GALNT18: variants seen among roughly 807,000 people sequenced by gnomAD.
The protein encoded by GALNT18 is polypeptide N-acetylgalactosaminyltransferase 18.
GALNT18 carries 44 observed loss-of-function variants against 69.5 expected under a neutral mutation model. The observed-to-expected ratio is 0.63, with a 90% CI of 0.50 to 0.81. The LOEUF is 0.81. Among genes scored for constraint, GALNT18 ranks in the 40% least tolerant of loss-of-function variants. The probability of loss-of-function intolerance (pLI) is 0.00; values close to 1 mark genes in which losing one functional copy is unlikely to be tolerated. For synonymous variants in GALNT18, 364 were observed against 318.2 expected (o/e 1.14, Z -1.53); for missense variants, 715 against 810.0 (o/e 0.88, Z 1.42).
At position 11,621,136 on chromosome 11, in the gene GALNT18, C is replaced by A. The variant is rs1279943059; in HGVS notation, c.235+223G>T. Among the ~76,000 whole-genome samples, 2 of 152,210 alleles carry A rather than the reference C, an allele frequency of 1.3e-5. No homozygotes were observed. Among genetic ancestry groups the A allele is most frequent in the Non-Finnish European group, 2.9e-5 (2 of 68,024 alleles). ...AGCTAGCTGCACACATCCGCTCGTG[C>A]AGCCCTGCGCACACACGTGTGCCCC... is the stretch of plus-strand genomic sequence containing the variant. On this transcript the variant is annotated intron_variant, in intron 1 of 10. Transcript: ENST00000227756. This position sits in a 1 kb window ranked among gnomAD's most constrained non-coding sequence, Gnocchi z 9.3.
intron 9 of GALNT18, among the ~76,000 whole-genome samples, chr11:11,304,896 T>A (rs1245274322): frequency 6.6e-6 from 1 of 152,176 alleles, no homozygotes; most frequent in Admixed American, 6.5e-5. Flanking sequence ...AAAGTTGAGA[T>A]GACAGAGCTG....
Position 11,387,820 on chromosome 11 carries a change from C to A in GALNT18, c.596-8556G>T, listed in dbSNP as rs190238296. On this transcript the variant is annotated intron_variant, in intron 3 of 10. Transcript: ENST00000227756. This position sits in a 1 kb window ranked among gnomAD's most constrained non-coding sequence, Gnocchi z 4.6. ...GGTCCTGCTGATGAATGATGGTGAGCCTGGCTTGGGCAGCTGGGATCCCGG... is the reference window on the plus strand; with the variant it reads ...GGTCCTGCTGATGAATGATGGTGAGACTGGCTTGGGCAGCTGGGATCCCGG... Among the ~76,000 whole-genome samples the A allele has an allele frequency of 3.2e-4, 48 of 152,280 alleles. No individual in the cohort carries two copies. The East Asian group carries it at 8.3e-3, about 26-fold the overall frequency.
rs2133063260 is a variant in GALNT18, at chr11:11,347,740, C to G, written c.1093-6736G>C. Among the ~76,000 whole-genome samples the G allele has an allele frequency of 6.6e-6, 1 of 152,354 alleles. No individual in the cohort carries two copies. The highest frequency in any genetic ancestry group is 2.1e-4 in the South Asian group (1 of 4,816). On this transcript the variant is annotated intron_variant, in intron 6 of 10. Coordinates refer to ENST00000227756, the MANE Select transcript of GALNT18 (RefSeq NM_198516.3). The surrounding 1 kb of genome is among the most constrained non-coding windows in gnomAD (Gnocchi z 4.0). Reference sequence around the variant, plus strand: ...GCCCAGCTCCTCCAAACTCTTGGAACTAATGACTTGTACGACTCATGTGGT... The same window carrying G: ...GCCCAGCTCCTCCAAACTCTTGGAAGTAATGACTTGTACGACTCATGTGGT...
At chr11:11,548,193 C>A (rs1356867629) in intron 1 of GALNT18, among the ~76,000 whole-genome samples, 1 of 152,206 alleles carries the variant, frequency 6.6e-6, no homozygotes, top group African/African-American at 2.4e-5. Flanking sequence ...ATGAATAAAG[C>A]CAGCACAGGC....
rs529889174 is a variant in GALNT18, at chr11:11,573,636, T to C, written c.235+47723A>G. 2.0e-5 allele frequency: 3 copies of C among 152,302 alleles called. No individual in the cohort carries two copies. The highest frequency in any genetic ancestry group is 7.2e-5 in the African/African-American group (3 of 41,562). The allele number at this position is 152,302 out of a possible 1,614,324, so 9.4% of individuals were successfully genotyped here. ...GCTGGTGGAGAACAAGAAGCTGCTA[T>C]GAACCAATCTTTAGAAAACAGCAGG... On this transcript the variant is annotated intron_variant, in intron 1 of 10. Transcript: ENST00000227756. This position sits in a 1 kb window ranked among gnomAD's most constrained non-coding sequence, Gnocchi z 4.6.
At position 11,379,086 on chromosome 11, in the gene GALNT18, C is replaced by T; in HGVS notation, c.774G>A (p.Val258=). The T allele has an allele frequency of 1.9e-6, 3 of 1,598,802 alleles. No individual in the cohort carries two copies. The highest frequency in any genetic ancestry group is 2.6e-6 in the Non-Finnish European group (3 of 1,175,810). ...ALFDAHVEFN[V]GWAEPVLTRI... is the part of the protein sequence containing the mutation. ...CTCTCCCAAGGGGCACTTACCAGCC[C>T]ACATTGAACTCCACGTGGGCATCAA... Residue 258 remains valine, a synonymous_variant, in exon 4 of 11, where the codon GTG becomes GTA. Coordinates refer to ENST00000227756, the MANE Select transcript of GALNT18 (RefSeq NM_198516.3).
rs1854536151 is a variant in GALNT18, at chr11:11,404,298, C to T, written c.596-25034G>A. ...GGCTTCAGTGCCAATGCCTCTGCCT[C>T]ACCATCCATCTGTGAATAGGGGTAA... On this transcript the variant is annotated intron_variant, in intron 3 of 10. Transcript: ENST00000227756. This position sits in a 1 kb window ranked among gnomAD's most constrained non-coding sequence, Gnocchi z 4.5. 6.6e-6 allele frequency among the ~76,000 whole-genome samples: 1 copy of T among 152,234 alleles called. No homozygotes were observed. The highest frequency in any genetic ancestry group is 1.5e-5 in the Non-Finnish European group (1 of 68,034).
chr11:11,274,295 G>GT (rs1339734743), intron 10 of GALNT18, among the ~76,000 whole-genome samples: 3 of 151,948 alleles, frequency 2.0e-5, no homozygotes, highest in South Asian at 4.2e-4. Flanking sequence ...TTTTGTTTTT[G>GT]TTTTTTTCTC....
At chr11:11,352,637 A>G (rs750936677) in intron 6 of GALNT18, 2 of 1,614,196 alleles carry the variant, frequency 1.2e-6, no homozygotes, top group African/African-American at 1.3e-5. Context: ...CAATCATGAC[A>G]TTATGGGGCT....
At chr11:11,560,142 A>G (rs1858451743) in intron 1 of GALNT18, among the ~76,000 whole-genome samples, 1 of 150,364 alleles carries the variant, frequency 6.7e-6, no homozygotes, top group Non-Finnish European at 1.5e-5. Flanking sequence ...GATAGAATAG[A>G]ATGGGATATG....
intron 10 of GALNT18, among the ~76,000 whole-genome samples, chr11:11,286,119 T>C (rs1013341902): frequency 1.3e-5 from 2 of 152,152 alleles, no homozygotes; most frequent in African/African-American, 4.8e-5. Context: ...ACCCTTGAAC[T>C]CTAAGCTCAG....
In GALNT18 at chr11:11,465,598, G is replaced by T. The variant is rs1268173534; in HGVS notation, c.236-16662C>A. Among the ~76,000 whole-genome samples, 1 of 152,096 alleles carries T rather than the reference G, an allele frequency of 6.6e-6. No individual in the cohort carries two copies. The highest frequency in any genetic ancestry group is 1.5e-5 in the Non-Finnish European group (1 of 68,008). On this transcript the variant is annotated intron_variant, in intron 1 of 10. Coordinates refer to ENST00000227756, the MANE Select transcript of GALNT18 (RefSeq NM_198516.3). This position sits in a 1 kb window ranked among gnomAD's most constrained non-coding sequence, Gnocchi z 5.7. ...CCTCCGGGAACCAGAGAGGCCTGGAGGTGACAAGCTTCTCTGCTGCTGGGG... is the reference window on the plus strand; with the variant it reads ...CCTCCGGGAACCAGAGAGGCCTGGATGTGACAAGCTTCTCTGCTGCTGGGG...
intron 7 of GALNT18, among the ~76,000 whole-genome samples, chr11:11,333,836 G>A (rs1850061894): frequency 6.6e-6 from 1 of 152,042 alleles, no homozygotes; most frequent in African/African-American, 2.4e-5. Flanking sequence ...GAATTCCTTG[G>A]CCTGCATACC....
At chr11:11,569,371 C>T (rs533618071) in intron 1 of GALNT18, among the ~76,000 whole-genome samples, 21 of 152,260 alleles carry the variant, frequency 1.4e-4, no homozygotes, top group African/African-American at 5.1e-4. Context: ...GCCCCCACCC[C>T]AATACCCCAA....
At chr11:11,610,705 A>G (rs1258360019) in intron 1 of GALNT18, among the ~76,000 whole-genome samples, 1 of 152,152 alleles carries the variant, frequency 6.6e-6, no homozygotes, top group Non-Finnish European at 1.5e-5. Context: ...ACCTTCCTCC[A>G]TTTACTCTTA....
intron 9 of GALNT18, among the ~76,000 whole-genome samples, chr11:11,293,700 C>T (rs904438058): frequency 2.0e-5 from 3 of 151,934 alleles, no homozygotes; most frequent in Admixed American, 6.6e-5. Context: ...CACCACCATG[C>T]CCGGCTAATT....
rs1370774944 is a variant in GALNT18, at chr11:11,432,917, T to C, written c.429-130A>G. 15 of 773,540 alleles carry C rather than the reference T, an allele frequency of 1.9e-5. No homozygotes were observed. Among genetic ancestry groups the C allele is most frequent in the Non-Finnish European group, 2.6e-5 (13 of 490,728 alleles). The allele number at this position is 773,540 out of a possible 1,614,324, so 47.9% of individuals were successfully genotyped here. A position where few individuals can be genotyped will look rare whatever the true frequency, so the allele number is the denominator to read the frequency against. ...TCCAGATTCTTCCAAGGGCCCCTTCTTTGATGCACTTAAGATGAGCCCTAA... is the reference window on the plus strand; with the variant it reads ...TCCAGATTCTTCCAAGGGCCCCTTCCTTGATGCACTTAAGATGAGCCCTAA... On this transcript the variant is annotated intron_variant, in intron 2 of 10. Transcript: ENST00000227756. The surrounding 1 kb of genome is among the most constrained non-coding windows in gnomAD (Gnocchi z 5.8).
chr11:11,519,519 T>G (rs1337821365), intron 1 of GALNT18, among the ~76,000 whole-genome samples: 1 of 152,150 alleles, frequency 6.6e-6, no homozygotes, highest in African/African-American at 2.4e-5. Flanking sequence ...AAAGCAGTGT[T>G]GGGAAAGGTG....
rs1859351287 is a variant in GALNT18 at position 11,591,178 on chromosome 11, G to A, written c.235+30181C>T. 6.6e-6 allele frequency among the ~76,000 whole-genome samples: 1 copy of A among 151,904 alleles called. No individual in the cohort carries two copies. The highest frequency in any genetic ancestry group is 1.5e-5 in the Non-Finnish European group (1 of 67,984). On this transcript the variant is annotated intron_variant, in intron 1 of 10. Coordinates refer to ENST00000227756, the MANE Select transcript of GALNT18 (RefSeq NM_198516.3). The surrounding 1 kb of genome is among the most constrained non-coding windows in gnomAD (Gnocchi z 4.8). ...GGCTACCGTGTGTGTGTGTGTGTGT[G>A]TGTGTGTTAGTTTTTAAGCCTTTTT...
Sources: gnomAD v4.1 joint callset for allele counts (sites outside exome capture counted in the v4.1 genomes callset) on GRCh38, gnomAD v4.1.1 for gene constraint, Gnocchi (gnomAD v3.1) non-coding constraint, MANE v1.5 for transcripts, NCBI Gene and HGNC (gene_info 2026-07-23, HGNC 2026-07-21) for gene names.